The following MACROD1 variants were observed in gnomAD, a reference collection of about 807,000 sequenced individuals.
MACROD1 encodes ADP-ribose glycohydrolase MACROD1.
Under a neutral mutation model 41.4 loss-of-function variants are expected in MACROD1, and 31 were observed. The observed-to-expected ratio is 0.75, with a 90% CI of 0.56 to 1.01. The LOEUF is 1.01. MACROD1 is among the 50% of genes least tolerant of loss of function. MACROD1 has a pLI of 0.00. For synonymous variants in MACROD1, 252 were observed against 203.4 expected (o/e 1.24, Z -2.03); for missense variants, 473 against 460.0 (o/e 1.03, Z -0.26).
At chr11:64,014,047 C>T (rs1180056902) in intron 4 of MACROD1, among the ~76,000 whole-genome samples, 1 of 152,170 alleles carries the variant, frequency 6.6e-6, no homozygotes, top group East Asian at 1.9e-4. Flanking sequence ...GCACTGGGAG[C>T]TCAGGGGACA....
At chr11:64,111,787 T>C (rs1337991427) in intron 3 of MACROD1, among the ~76,000 whole-genome samples, 2 of 152,168 alleles carry the variant, frequency 1.3e-5, no homozygotes, top group Non-Finnish European at 2.9e-5. Context: ...TCTGGGCCAG[T>C]GTCCTTCCCA....
At chr11:64,008,868 C>T (rs1026099344) in intron 4 of MACROD1, 2 of 152,242 alleles carry the variant, frequency 1.3e-5, no homozygotes, top group African/African-American at 4.8e-5. Flanking sequence ...CTGACTCCCT[C>T]CCACCCATGC....
chr11:64,070,288 G>A (rs2134459901), intron 3 of MACROD1, among the ~76,000 whole-genome samples: 1 of 152,240 alleles, frequency 6.6e-6, no homozygotes, highest in Non-Finnish European at 1.5e-5. Context: ...GCCCAGCCTT[G>A]GGGAAGGAAT....
chr11:64,098,785 G>C (rs1363121561), intron 3 of MACROD1, among the ~76,000 whole-genome samples: 1 of 152,186 alleles, frequency 6.6e-6, no homozygotes, highest in Non-Finnish European at 1.5e-5. Context: ...CTCTTCCCAG[G>C]GAGGGGGCAG....
At chr11:64,143,521 A>G (rs1945443151) in intron 3 of MACROD1, among the ~76,000 whole-genome samples, 1 of 152,068 alleles carries the variant, frequency 6.6e-6, no homozygotes, top group Admixed American at 6.6e-5. Context: ...GGGCAGGCTG[A>G]GGGAGCTGGA....
intron 3 of MACROD1, among the ~76,000 whole-genome samples, chr11:64,045,904 T>C (rs1029306800): frequency 2.6e-5 from 4 of 152,124 alleles, no homozygotes; most frequent in African/African-American, 9.7e-5. Flanking sequence ...CTGGGCAACA[T>C]AGCGAGACCC....
chr11:64,040,469 C>A, intron 3 of MACROD1, among the ~76,000 whole-genome samples: 1 of 152,126 alleles, frequency 6.6e-6, no homozygotes, highest in Non-Finnish European at 1.5e-5. Context: ...GTCTCTGTGG[C>A]CCATCCATCC....
At chr11:64,095,850 C>T (rs1472675022) in intron 3 of MACROD1, among the ~76,000 whole-genome samples, 1 of 152,092 alleles carries the variant, frequency 6.6e-6, no homozygotes, top group Non-Finnish European at 1.5e-5. Context: ...AATGGAGGAG[C>T]GCGAGGCTGA....
intron 3 of MACROD1, chr11:64,116,503 T>C: frequency 6.2e-7 from 1 of 1,613,916 alleles, no homozygotes; most frequent in Non-Finnish European, 8.5e-7. Flanking sequence ...CCCGCAGATA[T>C]CCCTGATGAT....
intron 3 of MACROD1, among the ~76,000 whole-genome samples, chr11:64,132,145 AG>A (rs1041826081): frequency 6.6e-6 from 1 of 152,044 alleles, no homozygotes; most frequent in African/African-American, 2.4e-5. Flanking sequence ...GCTGGGGACA[AG>A]GGGACCTACA....
At chr11:64,048,618 C>A (rs989135453) in intron 3 of MACROD1, among the ~76,000 whole-genome samples, 22 of 152,330 alleles carry the variant, frequency 1.4e-4, no homozygotes, top group Middle Eastern at 3.4e-3. Flanking sequence ...GGAATTCTTA[C>A]TGTTCCTGCC....
chr11:64,083,846 G>A (rs935944129), intron 3 of MACROD1, among the ~76,000 whole-genome samples: 5 of 152,230 alleles, frequency 3.3e-5, no homozygotes, highest in Admixed American at 6.5e-5. Context: ...TGCCAGGGCC[G>A]GTGAGGGGCG....
At chr11:63,999,236 C>T in intron 8 of MACROD1, 95 bp downstream of exon 8, 1 of 1,468,768 alleles carries the variant, frequency 6.8e-7, no homozygotes, top group South Asian at 1.2e-5. Context: ...GCGGGCCTGG[C>T]CCTGCGCTCT....
In MACROD1 at chr11:64,063,590, C is replaced by T. The variant is rs1184266651; in HGVS notation, c.518-48309G>A. On this transcript the variant is annotated intron_variant, in intron 3 of 10. Transcript: ENST00000255681. Reference sequence around the variant, plus strand: ...CAATGCGGCCTCTTCCCCGGCGTCTCTTCCTGGTGAAGCTCACGTAGGAAT... The same window carrying T: ...CAATGCGGCCTCTTCCCCGGCGTCTTTTCCTGGTGAAGCTCACGTAGGAAT... 9.9e-5 allele frequency among the ~76,000 whole-genome samples: 15 copies of T among 152,208 alleles called. 1 individual carries two copies. Among genetic ancestry groups the T allele is most frequent in the Admixed American group, 4.6e-4 (7 of 15,288 alleles).
chr11:64,007,267 G>T (rs1483614826), intron 4 of MACROD1, among the ~76,000 whole-genome samples: 1 of 152,194 alleles, frequency 6.6e-6, no homozygotes, highest in Non-Finnish European at 1.5e-5. Flanking sequence ...TTCTAGGGAC[G>T]GGACACGCGG....
At chr11:64,052,152 G>T (rs1423535787) in intron 3 of MACROD1, among the ~76,000 whole-genome samples, 1 of 151,994 alleles carries the variant, frequency 6.6e-6, no homozygotes, top group East Asian at 1.9e-4. Context: ...GGGGCCAGAA[G>T]ATGGCTCCCA....
intron 3 of MACROD1, among the ~76,000 whole-genome samples, chr11:64,074,161 G>A (rs1438641694): frequency 6.6e-6 from 1 of 152,224 alleles, no homozygotes; most frequent in Non-Finnish European, 1.5e-5. Flanking sequence ...GCTGGCTCAG[G>A]GCAATGGTCT....
At chr11:63,999,262 G>A in intron 8 of MACROD1, 69 bp downstream of exon 8, 1 of 1,513,770 alleles carries the variant, frequency 6.6e-7, no homozygotes, top group Non-Finnish European at 8.9e-7. Context: ...CTGACTCCCT[G>A]GGCGATGATG....
chr11:64,001,574 T>G, intron 4 of MACROD1: 1 of 702,346 alleles, frequency 1.4e-6, no homozygotes, highest in Non-Finnish European at 2.6e-6. Context: ...GGGGCACAAT[T>G]AAACCTCATT....
Sources: gnomAD v4.1 joint callset for allele counts (sites outside exome capture counted in the v4.1 genomes callset) on GRCh38, gnomAD v4.1.1 for gene constraint, MANE v1.5 for transcripts, NCBI Gene and HGNC (gene_info 2026-07-23, HGNC 2026-07-21) for gene names.